KLF8: variants seen among roughly 807,000 people sequenced by gnomAD.
KLF8 encodes the protein KLF transcription factor 8.
In KLF8, 10 loss-of-function variants were observed where a neutral mutation model predicts 18.2. The ratio of observed to expected loss-of-function variants is 0.55; its 90% CI spans 0.34 to 0.93. KLF8 has a LOEUF of 0.93. KLF8 is among the 40% of genes least tolerant of loss of function. The pLI is 0.02. For synonymous variants in KLF8, 109 were observed against 97.3 expected (o/e 1.12, Z -0.71); for missense variants, 264 against 277.9 (o/e 0.95, Z 0.36).
chrX:56,155,974 A>G, the KLF8 span, among the ~76,000 whole-genome samples: 1 of 110,139 alleles, frequency 9.1e-6, no homozygotes, highest in Non-Finnish European at 1.9e-5. Context: ...CCGTGTTGCT[A>G]TAAAGAACAT....
chrX:56,168,905 T>C, the KLF8 span, among the ~76,000 whole-genome samples: 187 of 111,702 alleles, frequency 1.7e-3, 1 homozygote, highest in Middle Eastern at 0.014. Context: ...AGACCCTGAA[T>C]AGCCAAAGCA....
rs73622991 is a variant in KLF8, at chrX:56,288,684, T to C, written c.*4190T>C. Among the ~76,000 whole-genome samples, 176 of 112,801 alleles carry C rather than the reference T, an allele frequency of 1.6e-3. No individual in the cohort carries two copies. Among genetic ancestry groups the C allele is most frequent in the African/African-American group, 5.6e-3 (173 of 31,107 alleles). Reference sequence around the variant, plus strand: ...GTACATACCTTATTTTAAAATACTTTATTGCTAACATGTTACTGGCACAAA... The same window carrying C: ...GTACATACCTTATTTTAAAATACTTCATTGCTAACATGTTACTGGCACAAA... On this transcript the variant is annotated 3_prime_UTR_variant, in exon 6 of 6. Transcript: ENST00000468660.
the KLF8 span, among the ~76,000 whole-genome samples, chrX:56,078,367 G>A: frequency 8.9e-6 from 1 of 112,034 alleles, no homozygotes; most frequent in African/African-American, 3.2e-5. Flanking sequence ...GCTGAATTTT[G>A]TCAAAGGCCC....
At chrX:56,143,981 A>G in the KLF8 span, among the ~76,000 whole-genome samples, 10 of 112,035 alleles carry the variant, frequency 8.9e-5, no homozygotes, top group East Asian at 2.0e-3. Context: ...GGAAACCCAG[A>G]ATTCATGAAA....
At chrX:56,052,253 C>T in the KLF8 span, among the ~76,000 whole-genome samples, 44 of 111,889 alleles carry the variant, frequency 3.9e-4, no homozygotes, top group Non-Finnish European at 7.0e-4. Flanking sequence ...TCGTCTGAAG[C>T]CTTCTTCTCT....
chrX:56,078,764 T>A, the KLF8 span, among the ~76,000 whole-genome samples: 1 of 111,564 alleles, frequency 9.0e-6, no homozygotes, highest in South Asian at 3.7e-4. Context: ...TGTGAATCCA[T>A]CTGGTCCTGG....
At chrX:55,948,903 T>C in the KLF8 span, among the ~76,000 whole-genome samples, 1 of 112,326 alleles carries the variant, frequency 8.9e-6, no homozygotes, top group Non-Finnish European at 1.9e-5. Context: ...TAGTAAGCAC[T>C]CCACAGGCAT....
the KLF8 span, among the ~76,000 whole-genome samples, chrX:56,102,052 T>G: frequency 8.9e-6 from 1 of 111,755 alleles, no homozygotes; most frequent in African/African-American, 3.2e-5. Flanking sequence ...GGGAATTTCC[T>G]AGGTTTTTCT....
At chrX:55,997,145 C>T in the KLF8 span, among the ~76,000 whole-genome samples, 28 of 111,609 alleles carry the variant, frequency 2.5e-4, no homozygotes, top group Non-Finnish European at 5.1e-4. Context: ...AGGCAGGGAC[C>T]CTGGGGGAGG....
chrX:56,026,516 A>C, the KLF8 span, among the ~76,000 whole-genome samples: 4 of 111,328 alleles, frequency 3.6e-5, no homozygotes, highest in African/African-American at 9.9e-5. Flanking sequence ...ACAATACCAT[A>C]GGAAGGGCCT....
the KLF8 span, among the ~76,000 whole-genome samples, chrX:56,153,796 A>T: frequency 9.0e-6 from 1 of 111,629 alleles, no homozygotes; most frequent in East Asian, 2.8e-4. Context: ...ACAGACAAAC[A>T]GAGAGCCAAA....
In KLF8 at chrX:56,289,106, C is replaced by CT. The variant is rs750371092; in HGVS notation, c.*4615dup. ...CCCCCATTTATTTATTTATACAATACTTTATTTATATCAGCATGGACTCAT... is the reference window on the plus strand; with the variant it reads ...CCCCCATTTATTTATTTATACAATACTTTTATTTATATCAGCATGGACTCAT... On this transcript the variant is annotated 3_prime_UTR_variant, in exon 6 of 6. Coordinates refer to ENST00000468660, the MANE Select transcript of KLF8 (RefSeq NM_007250.5). Among the ~76,000 whole-genome samples, 29 of 112,209 alleles carry CT rather than the reference C, an allele frequency of 2.6e-4. No homozygotes were observed. The highest frequency in any genetic ancestry group is 9.4e-4 in the African/African-American group (29 of 30,950).
chrX:56,069,668 C>A, the KLF8 span, among the ~76,000 whole-genome samples: 1 of 111,460 alleles, frequency 9.0e-6, no homozygotes, highest in Non-Finnish European at 1.9e-5. Context: ...GATGCCAGAG[C>A]AGTCAACTCC....
chrX:56,094,450 C>T, the KLF8 span, among the ~76,000 whole-genome samples: 1 of 110,340 alleles, frequency 9.1e-6, no homozygotes, highest in African/African-American at 3.3e-5. Context: ...AACACAGTGC[C>T]AAAATATAGG....
chrX:56,105,010 T>C, the KLF8 span, among the ~76,000 whole-genome samples: 1 of 112,096 alleles, frequency 8.9e-6, no homozygotes, highest in Admixed American at 9.5e-5. Context: ...TCAGTTTCCA[T>C]GTAGTTGTGT....
chrX:56,146,831 C>T, the KLF8 span, among the ~76,000 whole-genome samples: 4 of 111,980 alleles, frequency 3.6e-5, 1 homozygote, highest in South Asian at 1.5e-3. Context: ...TAAAACAATT[C>T]TGCTGTGAAA....
chrX:55,913,389 A>C, the KLF8 span, among the ~76,000 whole-genome samples: 1 of 111,644 alleles, frequency 9.0e-6, no homozygotes, highest in Non-Finnish European at 1.9e-5. Flanking sequence ...AGAGGTAAAA[A>C]TTTAAAATGA....
chrX:55,961,019 A>G, the KLF8 span, among the ~76,000 whole-genome samples: 1 of 111,801 alleles, frequency 8.9e-6, no homozygotes, highest in East Asian at 2.8e-4. Flanking sequence ...AGAAAGCAAA[A>G]GAGAGTAGGG....
the KLF8 span, among the ~76,000 whole-genome samples, chrX:56,125,110 A>G: frequency 8.9e-6 from 1 of 111,800 alleles, no homozygotes; most frequent in Admixed American, 9.5e-5. Flanking sequence ...TACTTTTTCC[A>G]CCTGCACTTT....
Sources: allele counts gnomAD v4.1 joint callset (sites outside exome capture counted in the v4.1 genomes callset), GRCh38; gene constraint gnomAD v4.1.1; transcripts MANE v1.5; gene names NCBI Gene and HGNC (gene_info 2026-07-23, HGNC 2026-07-21).